The following FSTL4 variants were observed in gnomAD, a reference collection of about 807,000 sequenced individuals.
FSTL4 encodes the protein follistatin-related protein 4.
A neutral mutation model predicts 78.2 loss-of-function variants in FSTL4; 28 were observed. The ratio of observed to expected loss-of-function variants is 0.36; its 90% CI spans 0.27 to 0.49. The LOEUF (loss-of-function observed/expected upper bound fraction) is 0.49, where lower values mean the gene tolerates loss of function less well. Ranked by LOEUF, FSTL4 falls within the 20% of genes least tolerant of loss-of-function variation. The pLI, the probability that FSTL4 is intolerant of heterozygous loss-of-function variation, is 0.98. For synonymous variants in FSTL4, 422 were observed against 440.5 expected, an observed-to-expected ratio of 0.96 and a Z score of 0.53; for missense variants, 922 against 1,084.9, an observed-to-expected ratio of 0.85 and a Z score of 2.11.
chr5:133,572,079 C>T (rs1188310792), intron 2 of FSTL4, among the ~76,000 whole-genome samples: 1 of 152,118 alleles, frequency 6.6e-6, no homozygotes, highest in Non-Finnish European at 1.5e-5. Flanking sequence ...AATACAAACA[C>T]AACCATACCT....
intron 2 of FSTL4, among the ~76,000 whole-genome samples, chr5:133,598,316 T>C (rs1182287010): frequency 1.3e-5 from 2 of 151,986 alleles, no homozygotes; most frequent in Non-Finnish European, 2.9e-5. Context: ...CTCAGAATCT[T>C]GGGACCCACC....
chr5:133,801,641 C>T, the FSTL4 span, among the ~76,000 whole-genome samples: 1 of 152,280 alleles, frequency 6.6e-6, no homozygotes, highest in Non-Finnish European at 1.5e-5. Context: ...CCCCGCCCCA[C>T]TGCCAGCCAG....
chr5:133,713,343 T>C, the FSTL4 span, among the ~76,000 whole-genome samples: 1 of 152,218 alleles, frequency 6.6e-6, no homozygotes, highest in Non-Finnish European at 1.5e-5. Flanking sequence ...AATTGCATGA[T>C]CTGATAGGAA....
Position 133,225,204 on chromosome 5 carries a change from C to A in FSTL4, c.1258G>T (p.Gly420Cys). 1 of 1,614,134 alleles carries A rather than the reference C, an allele frequency of 6.2e-7. No individual in the cohort carries two copies. The highest frequency in any genetic ancestry group is 8.5e-7 in the Non-Finnish European group (1 of 1,180,000). ...AGCGAGGAGATATCTTCATCCACACCCACTTCATTTTTGGCAATGCAGGTG... is the reference window on the plus strand; with the variant it reads ...AGCGAGGAGATATCTTCATCCACACACACTTCATTTTTGGCAATGCAGGTG... ...AYTCIAKNEV[G>C]VDEDISSLFI... The change falls in exon 10 of 16, where the codon GGT becomes TGT. Residue 420 changes from glycine to cysteine, a missense_variant. By Grantham distance (159) the Gly-to-Cys change is radical. Transcript: ENST00000265342. The surrounding 1 kb of genome is among the most constrained non-coding windows in gnomAD (Gnocchi z 4.6).
the FSTL4 span, among the ~76,000 whole-genome samples, chr5:133,754,934 A>G: frequency 1.3e-5 from 2 of 151,926 alleles, no homozygotes; most frequent in Non-Finnish European, 2.9e-5. Flanking sequence ...CTTCGTGTAC[A>G]TTATCCCCTC....
the FSTL4 span, among the ~76,000 whole-genome samples, chr5:133,634,282 C>G: frequency 6.6e-6 from 1 of 151,990 alleles, no homozygotes; most frequent in South Asian, 2.1e-4. Context: ...ACAGGTCTTT[C>G]TGGGATGGTT....
intron 3 of FSTL4, among the ~76,000 whole-genome samples, chr5:133,418,771 C>G (rs900124345): frequency 1.3e-5 from 2 of 152,158 alleles, no homozygotes; most frequent in Non-Finnish European, 2.9e-5. Flanking sequence ...TGACAATTAA[C>G]TACACCTATA....
chr5:133,820,747 T>A, the FSTL4 span, among the ~76,000 whole-genome samples: 1 of 152,184 alleles, frequency 6.6e-6, no homozygotes, highest in African/African-American at 2.4e-5. Context: ...TGCAGGCAAC[T>A]GAAGAGCAGA....
chr5:133,208,527 C>T (rs945158980), intron 14 of FSTL4, among the ~76,000 whole-genome samples: 1 of 152,130 alleles, frequency 6.6e-6, no homozygotes, highest in African/African-American at 2.4e-5. Context: ...TGTTTGACTC[C>T]GTTCTAATAG....
the FSTL4 span, among the ~76,000 whole-genome samples, chr5:133,754,154 T>A: frequency 1.6e-4 from 24 of 152,266 alleles, no homozygotes; most frequent in East Asian, 4.6e-3. Flanking sequence ...TACAATTCAA[T>A]CATCCAACTC....
intron 3 of FSTL4, among the ~76,000 whole-genome samples, chr5:133,541,409 G>C (rs1371672791): frequency 6.6e-6 from 1 of 152,142 alleles, no homozygotes; most frequent in Non-Finnish European, 1.5e-5. Context: ...TTAGGCTCCA[G>C]CATGAGTGTT....
the FSTL4 span, among the ~76,000 whole-genome samples, chr5:133,645,482 T>A: frequency 6.6e-6 from 1 of 152,270 alleles, no homozygotes; most frequent in East Asian, 1.9e-4. Context: ...TGGTACTACC[T>A]TTTTTCATTC....
At chr5:133,707,511 G>A in the FSTL4 span, among the ~76,000 whole-genome samples, 1 of 152,352 alleles carries the variant, frequency 6.6e-6, no homozygotes, top group East Asian at 1.9e-4. Flanking sequence ...GAAGGCTATA[G>A]CTGGCTTGGA....
intron 4 of FSTL4, among the ~76,000 whole-genome samples, chr5:133,373,457 G>A (rs1032107389): frequency 2.0e-5 from 3 of 152,230 alleles, no homozygotes; most frequent in African/African-American, 7.2e-5. Flanking sequence ...CCATGTGGGA[G>A]GGTTGCACAA....
At chr5:133,301,812 T>A (rs1393936579) in intron 6 of FSTL4, among the ~76,000 whole-genome samples, 1 of 152,104 alleles carries the variant, frequency 6.6e-6, no homozygotes, top group Non-Finnish European at 1.5e-5. Context: ...GGGCACGGGA[T>A]GGGACTGTTG....
At chr5:133,208,018 C>G (rs1238514872) in intron 14 of FSTL4, 1 of 152,156 alleles carries the variant, frequency 6.6e-6, no homozygotes, top group Non-Finnish European at 1.5e-5. Flanking sequence ...TTCATTGTCT[C>G]TCTCCTCATT....
chr5:133,346,626 C>A (rs1012013339), intron 4 of FSTL4, among the ~76,000 whole-genome samples: 3 of 152,008 alleles, frequency 2.0e-5, no homozygotes, highest in Non-Finnish European at 4.4e-5. Flanking sequence ...TTCATTCCCC[C>A]CTGCTTCTGT....
intron 3 of FSTL4, among the ~76,000 whole-genome samples, chr5:133,420,889 C>T (rs959971710): frequency 4.6e-5 from 7 of 152,210 alleles, no homozygotes; most frequent in African/African-American, 9.7e-5. Context: ...GTGTTCTATA[C>T]GAGAAGGGTG....
chr5:133,284,858 G>C (rs1753093708), intron 6 of FSTL4, among the ~76,000 whole-genome samples: 1 of 152,186 alleles, frequency 6.6e-6, no homozygotes, highest in Admixed American at 6.5e-5. Context: ...GGAAGTCCTG[G>C]GGTAGGGTAG....
Sources: gnomAD v4.1 joint callset for allele counts (sites outside exome capture counted in the v4.1 genomes callset) on GRCh38, gnomAD v4.1.1 for gene constraint, Gnocchi (gnomAD v3.1) non-coding constraint, MANE v1.5 for transcripts, NCBI Gene and HGNC (gene_info 2026-07-23, HGNC 2026-07-21) for gene names.